The following TENT5D variants were observed in gnomAD, a reference collection of about 807,000 sequenced individuals.
The protein encoded by TENT5D is cancer/testis antigen 112.
For synonymous variants in TENT5D, 103 were observed against 100.6 expected (o/e 1.02, Z -0.15); for missense variants, 191 against 287.0 (o/e 0.67, Z 2.42).
In TENT5D at chrX:80,402,575, T is replaced by C. The variant is rs187501762; in HGVS notation, c.-141-36035T>C. Among the ~76,000 whole-genome samples the C allele has an allele frequency of 1.2e-4, 13 of 112,343 alleles. No homozygotes were observed. The East Asian group carries it at 2.0e-3, about 17-fold the overall frequency. Reference sequence around the variant, plus strand: ...CTGCTTTTGCTGCAGCCCATAAATTTGGTATGTTATATTTCCATTTTCATT... The same window carrying C: ...CTGCTTTTGCTGCAGCCCATAAATTCGGTATGTTATATTTCCATTTTCATT... On this transcript the variant is annotated intron_variant, in intron 3 of 4. Transcript: ENST00000538312.
chrX:80,405,113 A>C (rs1026933038), intron 3 of TENT5D, among the ~76,000 whole-genome samples: 3 of 112,165 alleles, frequency 2.7e-5, no homozygotes, highest in African/African-American at 9.7e-5. Flanking sequence ...GAGCGTTATT[A>C]TTTTTCACCC....
At chrX:80,347,561 T>G (rs371396738) in intron 3 of TENT5D, among the ~76,000 whole-genome samples, 1 of 112,215 alleles carries the variant, frequency 8.9e-6, no homozygotes, top group African/African-American at 3.2e-5. Flanking sequence ...CCTTGTAGAC[T>G]CTGGATGTTA....
At chrX:80,349,316 A>G (rs1930127696) in intron 3 of TENT5D, among the ~76,000 whole-genome samples, 1 of 111,601 alleles carries the variant, frequency 9.0e-6, no homozygotes, top group Non-Finnish European at 1.9e-5. Context: ...TAGTCTGTTA[A>G]TTACTGCCTC....
chrX:80,430,541 G>A (rs1340276320), intron 1 of TENT5D, among the ~76,000 whole-genome samples: 2 of 111,625 alleles, frequency 1.8e-5, no homozygotes, highest in African/African-American at 6.5e-5. Flanking sequence ...AAAGATCTGG[G>A]TTATCTTGCA....
rs774765417 is a variant in TENT5D at position 80,420,501 on chromosome X, A to T, written c.-204A>T. The T allele has an allele frequency of 7.2e-5, 8 of 111,525 alleles. No individual in the cohort carries two copies. Among genetic ancestry groups the T allele is most frequent in the Non-Finnish European group, 1.3e-4 (7 of 53,180 alleles). The allele number at this position is 111,525 out of a possible 1,213,427, so 9.2% of individuals were successfully genotyped here. On this transcript the variant is annotated 5_prime_UTR_variant, in exon 1 of 3. The change creates a premature stop within an existing upstream ORF in the 5' untranslated region. Coordinates refer to ENST00000308293, the Ensembl canonical transcript of TENT5D. The stretch of plus-strand genomic sequence containing the variant: ...AGATCAGGTGATGCAGAACTCTGGT[A>T]AAGGATGTTAGTCTTCAGAGTAAGA...
chrX:80,415,160 G>A (rs1341230008), intron 3 of TENT5D, among the ~76,000 whole-genome samples: 1 of 111,863 alleles, frequency 8.9e-6, no homozygotes, highest in Non-Finnish European at 1.9e-5. Flanking sequence ...AAGATTTGAT[G>A]AAGTTGTTTA....
intron 3 of TENT5D, among the ~76,000 whole-genome samples, chrX:80,352,786 A>G (rs1345398554): frequency 9.4e-6 from 1 of 106,753 alleles, no homozygotes; most frequent in Non-Finnish European, 1.9e-5. Flanking sequence ...ACAGCTGCCC[A>G]GTTTTGTCCT....
intron 3 of TENT5D, among the ~76,000 whole-genome samples, chrX:80,383,280 CT>C (rs1488599360): frequency 8.9e-6 from 1 of 111,956 alleles, no homozygotes; most frequent in East Asian, 2.8e-4. Flanking sequence ...GCAGCAAACT[CT>C]GTGATGCTTC....
chrX:80,436,458 G>T (rs2147569269), intron 1 of TENT5D, among the ~76,000 whole-genome samples: 1 of 110,324 alleles, frequency 9.1e-6, no homozygotes, highest in South Asian at 4.0e-4. Context: ...TTGTTACATA[G>T]GTATACACGT....
At chrX:80,405,626 G>C (rs1931471904) in intron 3 of TENT5D, among the ~76,000 whole-genome samples, 1 of 111,885 alleles carries the variant, frequency 8.9e-6, no homozygotes, top group Non-Finnish European at 1.9e-5. Flanking sequence ...CTCGCTGATT[G>C]CTAGCACAGC....
intron 3 of TENT5D, among the ~76,000 whole-genome samples, chrX:80,395,813 TTTG>T (rs1187368003): frequency 2.8e-5 from 3 of 106,777 alleles, no homozygotes; most frequent in African/African-American, 1.0e-4. Flanking sequence ...CAGCTGTAAT[TTTG>T]TTATCCTTTA....
intron 3 of TENT5D, among the ~76,000 whole-genome samples, chrX:80,405,208 T>C (rs1041094321): frequency 2.7e-5 from 3 of 112,685 alleles, no homozygotes; most frequent in Admixed American, 9.3e-5. Context: ...TCTCTTATAA[T>C]TTAAGAGTAA....
intron 3 of TENT5D, among the ~76,000 whole-genome samples, chrX:80,398,139 A>G (rs1347803332): frequency 9.0e-6 from 1 of 111,584 alleles, no homozygotes; most frequent in African/African-American, 3.3e-5. Flanking sequence ...CCTTATTATG[A>G]TTTTGATTTT....
At chrX:80,367,645 A>G (rs1930536682) in intron 3 of TENT5D, among the ~76,000 whole-genome samples, 1 of 112,087 alleles carries the variant, frequency 8.9e-6, no homozygotes, top group Non-Finnish European at 1.9e-5. Context: ...TATACACAAT[A>G]TAGTACTATT....
At chrX:80,376,627 G>C (rs1930733981) in intron 3 of TENT5D, among the ~76,000 whole-genome samples, 1 of 111,192 alleles carries the variant, frequency 9.0e-6, no homozygotes, top group African/African-American at 3.3e-5. Flanking sequence ...TAAAATCCCT[G>C]CTGGATTTTA....
At chrX:80,409,671 C>T (rs1157956070) in intron 3 of TENT5D, among the ~76,000 whole-genome samples, 3 of 110,846 alleles carry the variant, frequency 2.7e-5, no homozygotes, top group African/African-American at 9.9e-5. Context: ...GCCATACTGC[C>T]CAAGGTAACT....
At chrX:80,384,786 C>T (rs747768538) in intron 3 of TENT5D, among the ~76,000 whole-genome samples, 79 of 107,601 alleles carry the variant, frequency 7.3e-4, no homozygotes, top group African/African-American at 2.3e-3. Flanking sequence ...CAATAACAGA[C>T]AAACAGAGAG....
chrX:80,434,789 T>C (rs976187751), intron 1 of TENT5D, among the ~76,000 whole-genome samples: 2 of 107,211 alleles, frequency 1.9e-5, no homozygotes, highest in South Asian at 8.2e-4. Flanking sequence ...TCTTTGTTTT[T>C]TTTTTTTTTT....
At chrX:80,416,748 G>A (rs1448361775), upstream of TENT5D, among the ~76,000 whole-genome samples, 1 of 110,890 alleles carries the variant, frequency 9.0e-6, no homozygotes, top group Non-Finnish European at 1.9e-5. Context: ...TTTAGAGTAT[G>A]TGCCATGTGC....
Sources: allele counts gnomAD v4.1 joint callset (sites outside exome capture counted in the v4.1 genomes callset), GRCh38; gene constraint gnomAD v4.1.1; transcripts MANE v1.5; gene names NCBI Gene and HGNC (gene_info 2026-07-23, HGNC 2026-07-21).